The following ENG variants were observed in gnomAD, a reference collection of about 807,000 sequenced individuals.
The protein encoded by ENG is endoglin.
ENG carries 17 observed loss-of-function variants against 71.0 expected under a neutral mutation model. The observed-to-expected ratio is 0.24, with a 90% CI of 0.16 to 0.36. The LOEUF (loss-of-function observed/expected upper bound fraction) is 0.36. Ranked by LOEUF, ENG falls within the 10% of genes least tolerant of loss-of-function variation. The probability of loss-of-function intolerance (pLI) is 1.00; values close to 1 mark genes in which losing one functional copy is unlikely to be tolerated. For missense variants in ENG, 749 were observed against 868.3 expected (o/e 0.86, Z 1.73); for synonymous variants, 360 against 366.9 (o/e 0.98, Z 0.21).
chr9:127,822,792 G>GT (rs1290116537), intron 8 of ENG, among the ~76,000 whole-genome samples: 1 of 152,166 alleles, frequency 6.6e-6, no homozygotes, highest in African/African-American at 2.4e-5. Context: ...CATTGTCTTT[G>GT]TGTCAGAAGG....
chr9:127,844,320 C>A (rs967702495), intron 1 of ENG, among the ~76,000 whole-genome samples: 7 of 150,132 alleles, frequency 4.7e-5, no homozygotes, highest in African/African-American at 1.5e-4. Context: ...AAAGATGGGG[C>A]TTCTCCATGT....
intron 3 of ENG, 89 bp from the exon 4 acceptor site, chr9:127,826,761 T>C: frequency 6.5e-7 from 1 of 1,536,946 alleles, no homozygotes; most frequent in Non-Finnish European, 8.8e-7. Flanking sequence ...ATTTGTGGAG[T>C]CAGCCCATTG....
intron 2 of ENG, among the ~76,000 whole-genome samples, chr9:127,835,007 A>G (rs749554168): frequency 7.3e-5 from 11 of 151,072 alleles, no homozygotes; most frequent in Non-Finnish European, 1.6e-4. Flanking sequence ...TATATATATA[A>G]TTTTTTTCTT....
chr9:127,831,046 A>G (rs1830753000), intron 2 of ENG, among the ~76,000 whole-genome samples: 1 of 152,190 alleles, frequency 6.6e-6, no homozygotes, highest in Non-Finnish European at 1.5e-5. Context: ...TTTTTATAAC[A>G]ACAGCAATAC....
chr9:127,829,250 C>A (rs987605797), intron 3 of ENG, among the ~76,000 whole-genome samples: 1 of 152,366 alleles, frequency 6.6e-6, no homozygotes, highest in East Asian at 1.9e-4. Context: ...CCTAATCCCA[C>A]TTCCCAGCCA....
intron 3 of ENG, among the ~76,000 whole-genome samples, chr9:127,827,494 C>A (rs557995296): frequency 6.6e-6 from 1 of 152,166 alleles, no homozygotes; most frequent in African/African-American, 2.4e-5. Context: ...GGGAAGACTT[C>A]CTGGAAGAGT....
intron 8 of ENG, among the ~76,000 whole-genome samples, chr9:127,822,944 G>A (rs542505173): frequency 1.6e-4 from 24 of 151,424 alleles, no homozygotes; most frequent in Admixed American, 1.1e-3. Context: ...GGGTTCAAGC[G>A]ATTCTCCTGC....
At chr9:127,816,667 C>T in intron 13 of ENG, 1 of 251,486 alleles carries the variant, frequency 4.0e-6, no homozygotes, top group Non-Finnish European at 7.8e-6. Flanking sequence ...GGTAGGTGCC[C>T]CCATCCCTCA....
At position 127,825,696 on chromosome 9, in the gene ENG, C is replaced by G. The variant is rs546671241; in HGVS notation, c.688G>C (p.Gly230Arg). 11 of 1,580,368 alleles carry G rather than the reference C, an allele frequency of 7.0e-6. No homozygotes were observed. Among genetic ancestry groups the G allele is most frequent in the Non-Finnish European group, 7.7e-6 (9 of 1,167,400 alleles). The change falls in exon 5 of 15, where the codon GGG (glycine) becomes CGG (arginine). Residue 230 changes from glycine to arginine, a missense_variant and splice_region_variant. Coordinates refer to ENST00000373203, the MANE Select transcript of ENG (RefSeq NM_001114753.3). ...TCAGGGGCGGGGCGAGAGCCATACC[C>G]GGCCGAGTGGCCCGGCAGGACCCTC... ...ILRVLPGHSAGPRTVTVKVEL... is the reference protein window; with the variant it reads ...ILRVLPGHSARPRTVTVKVEL...
At chr9:127,827,628 G>T (rs1391025721) in intron 3 of ENG, among the ~76,000 whole-genome samples, 2 of 152,168 alleles carry the variant, frequency 1.3e-5, no homozygotes, top group African/African-American at 2.4e-5. Flanking sequence ...GGGCAAAAGG[G>T]CTTCGGGTTG....
At chr9:127,847,664 G>C (rs1489388419) in intron 1 of ENG, among the ~76,000 whole-genome samples, 1 of 152,094 alleles carries the variant, frequency 6.6e-6, no homozygotes, top group Non-Finnish European at 1.5e-5. Context: ...TGCGCAGGCT[G>C]GTCTCAAACT....
rs763238389 is a variant in ENG at position 127,815,289 on chromosome 9, C to A, written c.*393G>T. 1.4e-5 allele frequency: 3 copies of A among 212,490 alleles called. No homozygotes were observed. The highest frequency in any genetic ancestry group is 2.8e-5 in the Non-Finnish European group (3 of 105,692). The allele number at this position is 212,490 out of a possible 1,614,324, so 13.2% of individuals were successfully genotyped here. A position where few individuals can be genotyped will look rare whatever the true frequency, so the allele number is the denominator to read the frequency against. On this transcript the variant is annotated 3_prime_UTR_variant, in exon 15 of 15. Transcript: ENST00000373203. ...GCTCTGGGCTGGGCCCTCTTCTCTT[C>A]CCAGCGGGGAGGTGCTGTTGGCCTG...
chr9:127,817,858 G>T (rs1830366892), intron 12 of ENG: 7 of 583,872 alleles, frequency 1.2e-5, no homozygotes, highest in Non-Finnish European at 2.1e-5. Context: ...GGACGGACGG[G>T]TAAGTGAAAG....
At position 127,854,374 on chromosome 9, in the gene ENG, T is replaced by C; in HGVS notation, c.-19A>G. 5.1e-6 allele frequency: 8 copies of C among 1,575,234 alleles called. No homozygotes were observed. Among genetic ancestry groups the C allele is most frequent in the Non-Finnish European group, 6.9e-6 (8 of 1,161,028 alleles). On this transcript the variant is annotated 5_prime_UTR_variant, in exon 1 of 15. Transcript: ENST00000373203. ...GGTCCATGCTGTCCACGTGGGGGCC[T>C]GTGCGCTGGGCCTTATCCTGTGTCC...
chr9:127,817,901 T>C, intron 12 of ENG: 1 of 632,050 alleles, frequency 1.6e-6, no homozygotes, highest in South Asian at 1.9e-5. Flanking sequence ...CAGTGGCAGC[T>C]GCATAGTCTG....
At chr9:127,832,335 A>T (rs2131899537) in intron 2 of ENG, among the ~76,000 whole-genome samples, 1 of 152,174 alleles carries the variant, frequency 6.6e-6, no homozygotes, top group East Asian at 1.9e-4. Flanking sequence ...TCGGCCTCCC[A>T]AAGTGCTGGA....
At chr9:127,819,127 C>G in intron 10 of ENG, 2 of 377,148 alleles carry the variant, frequency 5.3e-6, no homozygotes, top group Non-Finnish European at 1.0e-5. Flanking sequence ...TTAGTAGATA[C>G]GGGGTTTCAC....
In ENG at chr9:127,836,604, C is replaced by T. The variant is rs181721818; in HGVS notation, c.219+6490G>A. On this transcript the variant is annotated intron_variant, in intron 2 of 14. Transcript: ENST00000373203. The surrounding 1 kb of genome is among the most constrained non-coding windows in gnomAD (Gnocchi z 4.0). ...GGGTGGCAGGGGAAAGGATCAAAGC[C>T]AGACCAACCTGAATTCAGATGGGGG... 7.2e-5 allele frequency among the ~76,000 whole-genome samples: 11 copies of T among 152,334 alleles called. No individual in the cohort carries two copies. Among genetic ancestry groups the T allele is most frequent in the African/African-American group, 2.4e-4 (10 of 41,576 alleles).
rs945144889 is a variant in ENG at position 127,836,142 on chromosome 9, C to T, written c.220-6315G>A. Among the ~76,000 whole-genome samples the T allele has an allele frequency of 6.6e-6, 1 of 152,252 alleles. No homozygotes were observed. Among genetic ancestry groups the T allele is most frequent in the Non-Finnish European group, 1.5e-5 (1 of 68,042 alleles). On this transcript the variant is annotated intron_variant, in intron 2 of 14. Coordinates refer to ENST00000373203, the MANE Select transcript of ENG (RefSeq NM_001114753.3). This position sits in a 1 kb window ranked among gnomAD's most constrained non-coding sequence, Gnocchi z 4.0. ...CCACTCACACGCACACCGACTTCCC[C>T]CTTCTCTCCCGGCCGGGGGCCCCAG...
Sources: allele counts gnomAD v4.1 joint callset (sites outside exome capture counted in the v4.1 genomes callset), GRCh38; gene constraint gnomAD v4.1.1; non-coding constraint Gnocchi (gnomAD v3.1); transcripts MANE v1.5; gene names NCBI Gene and HGNC (gene_info 2026-07-23, HGNC 2026-07-21).